The following CFAP20DC variants were observed in gnomAD, a reference collection of about 807,000 sequenced individuals.
CFAP20DC encodes the protein protein CFAP20DC.
Under a neutral mutation model 101.7 loss-of-function variants are expected in CFAP20DC, and 84 were observed. The observed-to-expected ratio is 0.83, with a 90% CI of 0.69 to 0.99. The LOEUF (loss-of-function observed/expected upper bound fraction) is 0.99. Ranked by LOEUF, CFAP20DC falls within the 50% of genes least tolerant of loss-of-function variation. The pLI, the probability that CFAP20DC is intolerant of heterozygous loss-of-function variation, is 0.00. For missense variants in CFAP20DC, 1,007 were observed against 970.3 expected (o/e 1.04, Z -0.50); for synonymous variants, 359 against 351.2 (o/e 1.02, Z -0.25).
chr3:58,914,967 G>C lies in CFAP20DC; in HGVS notation c.394-1103C>G, dbSNP rs1176525411. ...AGTCAAGTAATAGTGTGATTGGCTT[G>C]ACTGGCAGAATGGTGAACACTGGAG... On this transcript the variant is annotated intron_variant, in intron 5 of 16. Transcript: ENST00000482387. This position sits in a 1 kb window ranked among gnomAD's most constrained non-coding sequence, Gnocchi z 4.9. 1 of 152,190 alleles carries C rather than the reference G, an allele frequency of 6.6e-6. No homozygotes were observed. The highest frequency in any genetic ancestry group is 2.4e-5 in the African/African-American group (1 of 41,454). 9.4% of individuals were successfully genotyped at this position (152,190 alleles called of 1,614,324 possible).
chr3:58,800,455 T>C (rs12636117), intron 15 of CFAP20DC, among the ~76,000 whole-genome samples: 2 of 152,038 alleles, frequency 1.3e-5, no homozygotes, highest in South Asian at 2.1e-4. Flanking sequence ...GAGAGGGGTA[T>C]TGATGGCATT....
chr3:58,821,248 T>C (rs1034643379), intron 14 of CFAP20DC, among the ~76,000 whole-genome samples: 22 of 152,152 alleles, frequency 1.4e-4, no homozygotes, highest in African/African-American at 5.3e-4. Flanking sequence ...GGACTTCATG[T>C]ACAAAACAAC....
chr3:58,952,922 G>A (rs961622082), intron 4 of CFAP20DC, among the ~76,000 whole-genome samples: 3 of 152,092 alleles, frequency 2.0e-5, no homozygotes, highest in African/African-American at 7.2e-5. Flanking sequence ...TCTGGACGTA[G>A]ATACTGGGGA....
intron 1 of CFAP20DC, among the ~76,000 whole-genome samples, chr3:59,049,172 T>C (rs559050412): frequency 2.0e-5 from 3 of 152,220 alleles, no homozygotes; most frequent in Non-Finnish European, 4.4e-5. Context: ...CCAAAGTGCT[T>C]ATTTTCTTTC....
rs2082315382 is a variant in CFAP20DC at position 58,892,239 on chromosome 3, TGTA to T, written c.551-7533_551-7531del. Among the ~76,000 whole-genome samples, 1 of 152,260 alleles carries T rather than the reference TGTA, an allele frequency of 6.6e-6. No individual in the cohort carries two copies. Among genetic ancestry groups the T allele is most frequent in the South Asian group, 2.1e-4 (1 of 4,834 alleles). On this transcript the variant is annotated intron_variant, in intron 6 of 16. Transcript: ENST00000482387. This position sits in a 1 kb window ranked among gnomAD's most constrained non-coding sequence, Gnocchi z 4.0. ...CATGCTCTTTTGGTTACTGTAGACT[TGTA>T]GTATACATTGAAGTTGGATAGCATG...
chr3:58,813,581 A>C (rs1425432606), intron 14 of CFAP20DC, among the ~76,000 whole-genome samples: 3 of 151,890 alleles, frequency 2.0e-5, no homozygotes, highest in Non-Finnish European at 4.4e-5. Flanking sequence ...CAGAGCTCAT[A>C]CTCCTTAGCT....
At chr3:58,987,235 TACTTTAAGTCA>T (rs1444094914) in intron 4 of CFAP20DC, among the ~76,000 whole-genome samples, 1 of 152,076 alleles carries the variant, frequency 6.6e-6, no homozygotes, top group Non-Finnish European at 1.5e-5. Context: ...ATTAATTTCC[TACTTTAAGTCA>T]AATATGAGTG....
chr3:58,766,993 C>T (rs2070378849), intron 15 of CFAP20DC, among the ~76,000 whole-genome samples: 1 of 152,188 alleles, frequency 6.6e-6, no homozygotes, highest in Non-Finnish European at 1.5e-5. Context: ...GTTAAGAGCT[C>T]TCGTCTCAGC....
intron 14 of CFAP20DC, among the ~76,000 whole-genome samples, chr3:58,820,780 T>C (rs1174915414): frequency 1.4e-5 from 2 of 146,250 alleles, no homozygotes; most frequent in African/African-American, 5.2e-5. Flanking sequence ...CTTCACAGAA[T>C]TGGAAAAAAC....
rs1388667845 is a variant in CFAP20DC, at chr3:58,874,211, C to G, written c.716-3902G>C. 6.6e-6 allele frequency among the ~76,000 whole-genome samples: 1 copy of G among 152,190 alleles called. No individual in the cohort carries two copies. The highest frequency in any genetic ancestry group is 1.9e-4 in the East Asian group (1 of 5,186). ...GTTTGAAAAGTCAGAATCTAGGTGT[C>G]ATGCTTGACACCTTCCCCTGATCTC... On this transcript the variant is annotated intron_variant, in intron 7 of 16. Transcript: ENST00000482387. This position sits in a 1 kb window ranked among gnomAD's most constrained non-coding sequence, Gnocchi z 5.1.
At chr3:58,903,836 A>G (rs1438093991) in intron 6 of CFAP20DC, among the ~76,000 whole-genome samples, 1 of 152,142 alleles carries the variant, frequency 6.6e-6, no homozygotes, top group Non-Finnish European at 1.5e-5. Flanking sequence ...TTGTTTCTCG[A>G]CCCAATTCTA....
chr3:59,040,150 C>CA (rs1010426299), intron 3 of CFAP20DC, among the ~76,000 whole-genome samples: 42 of 152,114 alleles, frequency 2.8e-4, no homozygotes, highest in African/African-American at 9.9e-4. Flanking sequence ...AATGTGTCCA[C>CA]AATGAGATGA....
chr3:58,719,442 T>C (rs1482725781), intron 3 of CFAP20DC, among the ~76,000 whole-genome samples: 4 of 152,220 alleles, frequency 2.6e-5, no homozygotes, highest in Non-Finnish European at 4.4e-5. Flanking sequence ...TGCTTTGTAA[T>C]AGCATGTATG....
chr3:59,004,688 T>C (rs898305229), intron 4 of CFAP20DC, among the ~76,000 whole-genome samples: 1 of 152,222 alleles, frequency 6.6e-6, no homozygotes, highest in African/African-American at 2.4e-5. Flanking sequence ...ATGATCTGCT[T>C]TTCTACTTGG....
chr3:58,851,196 G>A (rs2078197058), intron 12 of CFAP20DC, among the ~76,000 whole-genome samples: 2 of 152,122 alleles, frequency 1.3e-5, no homozygotes, highest in African/African-American at 4.8e-5. Context: ...TGTGAAGTAG[G>A]GGAATGTCAC....
chr3:58,960,812 T>C (rs1255803495), intron 4 of CFAP20DC, among the ~76,000 whole-genome samples: 3 of 152,214 alleles, frequency 2.0e-5, no homozygotes, highest in Non-Finnish European at 4.4e-5. Flanking sequence ...CAATGGTAAA[T>C]ATAAATAATG....
At chr3:58,865,264 C>A (rs533457607) in intron 11 of CFAP20DC, among the ~76,000 whole-genome samples, 1 of 151,924 alleles carries the variant, frequency 6.6e-6, no homozygotes, top group Non-Finnish European at 1.5e-5. Context: ...GCCTACAATG[C>A]AAAAGCAAAA....
chr3:58,967,616 A>T (rs867602830), intron 4 of CFAP20DC, among the ~76,000 whole-genome samples: 1 of 152,232 alleles, frequency 6.6e-6, no homozygotes, highest in Non-Finnish European at 1.5e-5. Flanking sequence ...ATATCTGATA[A>T]GGGTATAGTA....
At chr3:58,903,846 A>G (rs1559797992) in intron 6 of CFAP20DC, among the ~76,000 whole-genome samples, 2 of 152,170 alleles carry the variant, frequency 1.3e-5, no homozygotes, top group African/African-American at 2.4e-5. Context: ...ACCCAATTCT[A>G]TTCAGTTGGT....
Sources: allele counts gnomAD v4.1 joint callset (sites outside exome capture counted in the v4.1 genomes callset), GRCh38; gene constraint gnomAD v4.1.1; non-coding constraint Gnocchi (gnomAD v3.1); transcripts MANE v1.5; gene names NCBI Gene and HGNC (gene_info 2026-07-23, HGNC 2026-07-21).